The following SLC22A23 variants were observed in gnomAD, a reference collection of about 807,000 sequenced individuals.
SLC22A23 encodes ion transporter protein.
Under a neutral mutation model 61.0 loss-of-function variants are expected in SLC22A23, and 26 were observed. That is an observed-to-expected ratio of 0.43 (90% CI 0.31 to 0.59). The LOEUF (loss-of-function observed/expected upper bound fraction) is 0.59, where lower values mean the gene tolerates loss of function less well. Ranked by LOEUF, SLC22A23 falls within the 20% of genes least tolerant of loss-of-function variation. The probability of loss-of-function intolerance (pLI) is 0.11; values close to 1 mark genes in which losing one functional copy is unlikely to be tolerated. For synonymous variants in SLC22A23, 430 were observed against 413.9 expected (o/e 1.04, Z -0.47); for missense variants, 796 against 934.7 (o/e 0.85, Z 1.94).
At chr6:3,407,087 C>T (rs549679180) in intron 3 of SLC22A23, among the ~76,000 whole-genome samples, 130 of 152,288 alleles carry the variant, frequency 8.5e-4, no homozygotes, top group African/African-American at 3.0e-3. Flanking sequence ...CCAGCAGATG[C>T]ATTAAGTGAG....
At chr6:3,354,323 A>G (rs1470449099) in intron 3 of SLC22A23, among the ~76,000 whole-genome samples, 1 of 152,256 alleles carries the variant, frequency 6.6e-6, no homozygotes, top group Non-Finnish European at 1.5e-5. Context: ...AAGTGACTAA[A>G]GGCACTCACA....
At chr6:3,424,715 T>C (rs1369124550) in intron 1 of SLC22A23, among the ~76,000 whole-genome samples, 1 of 152,240 alleles carries the variant, frequency 6.6e-6, no homozygotes, top group East Asian at 1.9e-4. Flanking sequence ...CCCTGCTGTC[T>C]GTGTTTGTAA....
intron 1 of SLC22A23, among the ~76,000 whole-genome samples, chr6:3,426,277 G>A (rs771394254): frequency 1.3e-5 from 2 of 152,154 alleles, no homozygotes; most frequent in Non-Finnish European, 2.9e-5. Flanking sequence ...TCAGACTTGA[G>A]CAGAGCCCAG....
Position 3,369,884 on chromosome 6 carries a change from T to C in SLC22A23, c.913+40304A>G, listed in dbSNP as rs531622829. The stretch of plus-strand genomic sequence containing the variant: ...AATGAATCTCAAGCACGACTATTTT[T>C]TCTTGTGAAAATTTCCCTTACATTT... On this transcript the variant is annotated intron_variant, in intron 3 of 9. Transcript: ENST00000406686. Among the ~76,000 whole-genome samples the C allele has an allele frequency of 2.0e-5, 3 of 152,360 alleles. No individual in the cohort carries two copies. The South Asian group carries it at 6.2e-4, about 32-fold the overall frequency.
intron 3 of SLC22A23, among the ~76,000 whole-genome samples, chr6:3,335,102 C>T (rs923088680): frequency 2.6e-5 from 4 of 152,152 alleles, no homozygotes; most frequent in Admixed American, 6.5e-5. Context: ...AAAATCCTTT[C>T]GTGTTCTAGT....
In SLC22A23 at chr6:3,408,891, C is replaced by A. The variant is rs543067127; in HGVS notation, c.913+1297G>T. 2.0e-5 allele frequency among the ~76,000 whole-genome samples: 3 copies of A among 152,332 alleles called. No homozygotes were observed. In the South Asian group the frequency reaches 6.2e-4, roughly 32 times the overall value. Reference sequence around the variant, plus strand: ...CGGCTGCCCAGAGCAAGGGTCCCGGCGCACTTGCACACATGTGGGCCAAGG... The same window carrying A: ...CGGCTGCCCAGAGCAAGGGTCCCGGAGCACTTGCACACATGTGGGCCAAGG... On this transcript the variant is annotated intron_variant, in intron 3 of 9. Transcript: ENST00000406686.
intron 3 of SLC22A23, among the ~76,000 whole-genome samples, chr6:3,355,015 G>A (rs1764982683): frequency 6.6e-6 from 1 of 151,984 alleles, no homozygotes; most frequent in Admixed American, 6.5e-5. Flanking sequence ...CCTTTAAACA[G>A]GCAACAGGAA....
chr6:3,413,784 A>G (rs1769451868), intron 2 of SLC22A23, among the ~76,000 whole-genome samples: 2 of 152,180 alleles, frequency 1.3e-5, no homozygotes, highest in Admixed American at 6.5e-5. Context: ...CCTTTTAAGC[A>G]AGGCTCAAGC....
chr6:3,282,325 C>G (rs1759543345), intron 9 of SLC22A23: 2 of 702,450 alleles, frequency 2.8e-6, no homozygotes, highest in Non-Finnish European at 5.2e-6. Context: ...GTGGCTGATG[C>G]AGAAGGTAGG....
chr6:3,388,270 G>C (rs1264830407), intron 3 of SLC22A23, among the ~76,000 whole-genome samples: 5 of 152,162 alleles, frequency 3.3e-5, no homozygotes, highest in Non-Finnish European at 4.4e-5. Flanking sequence ...CTTCCTCATG[G>C]GGGAGGGCAG....
intron 3 of SLC22A23, among the ~76,000 whole-genome samples, chr6:3,349,073 C>T (rs1267806996): frequency 1.3e-5 from 2 of 152,364 alleles, no homozygotes; most frequent in African/African-American, 2.4e-5. Context: ...AAGGGGGATG[C>T]TCCTCTGCTT....
At chr6:3,335,371 G>A (rs1215827770) in intron 3 of SLC22A23, among the ~76,000 whole-genome samples, 3 of 152,182 alleles carry the variant, frequency 2.0e-5, no homozygotes, top group African/African-American at 7.2e-5. Context: ...GTCTCACACA[G>A]TGTCTGCCTT....
intron 1 of SLC22A23, among the ~76,000 whole-genome samples, chr6:3,435,462 T>C (rs1771145987): frequency 6.6e-6 from 1 of 152,052 alleles, no homozygotes; most frequent in Non-Finnish European, 1.5e-5. Flanking sequence ...TCTCCTGCAG[T>C]GGTGGGACCT....
At chr6:3,301,336 T>C (rs1405328544) in intron 4 of SLC22A23, among the ~76,000 whole-genome samples, 1 of 152,148 alleles carries the variant, frequency 6.6e-6, no homozygotes, top group Non-Finnish European at 1.5e-5. Flanking sequence ...ATATTATCAT[T>C]TGAGATACAT....
chr6:3,410,420 G>T lies in SLC22A23; in HGVS notation c.759-78C>A. 1 of 1,445,776 alleles carries T rather than the reference G, an allele frequency of 6.9e-7. No homozygotes were observed. The highest frequency in any genetic ancestry group is 1.4e-5 in the South Asian group (1 of 70,588). The allele number at this position is 1,445,776 out of a possible 1,614,324, so 89.6% of individuals were successfully genotyped here. A position where few individuals can be genotyped will look rare whatever the true frequency, so the allele number is the denominator to read the frequency against. Reference sequence around the variant, plus strand: ...GCTAGATGCTGAAACCCGGTGTCCAGCAGGCACTCAATATATGTTGAATGA... The same window carrying T: ...GCTAGATGCTGAAACCCGGTGTCCATCAGGCACTCAATATATGTTGAATGA... On this transcript the variant is annotated intron_variant, in intron 2 of 9. Coordinates refer to ENST00000406686, the MANE Select transcript of SLC22A23 (RefSeq NM_015482.2). The surrounding 1 kb of genome is among the most constrained non-coding windows in gnomAD (Gnocchi z 5.0).
At chr6:3,311,971 C>A (rs1162801696) in intron 4 of SLC22A23, 1 of 152,228 alleles carries the variant, frequency 6.6e-6, no homozygotes, top group African/African-American at 2.4e-5. Flanking sequence ...GGCTTCAACA[C>A]TCTCCATCTA....
chr6:3,355,358 G>T (rs1398365961), intron 3 of SLC22A23, among the ~76,000 whole-genome samples: 1 of 152,020 alleles, frequency 6.6e-6, no homozygotes, highest in African/African-American at 2.4e-5. Context: ...GAACTTAAAA[G>T]ACGGGAGGAA....
Position 3,454,789 on chromosome 6 carries a change from A to G in SLC22A23, c.654+1117T>C, listed in dbSNP as rs1439034234. 6.6e-6 allele frequency among the ~76,000 whole-genome samples: 1 copy of G among 152,196 alleles called. No individual in the cohort carries two copies. Among genetic ancestry groups the G allele is most frequent in the Non-Finnish European group, 1.5e-5 (1 of 68,052 alleles). On this transcript the variant is annotated intron_variant, in intron 1 of 9. Transcript: ENST00000406686. This position sits in a 1 kb window ranked among gnomAD's most constrained non-coding sequence, Gnocchi z 4.3. ...ATTAAAACAATGATTATGATGATGT[A>G]AGAGTTTATCTTACACATCCATGAG...
intron 1 of SLC22A23, among the ~76,000 whole-genome samples, chr6:3,447,732 G>A (rs1327709619): frequency 6.6e-6 from 1 of 151,126 alleles, no homozygotes; most frequent in East Asian, 1.9e-4. Context: ...GGGACTACAG[G>A]TGCCCGCCAC....
Sources: allele counts gnomAD v4.1 joint callset (sites outside exome capture counted in the v4.1 genomes callset), GRCh38; gene constraint gnomAD v4.1.1; non-coding constraint Gnocchi (gnomAD v3.1); transcripts MANE v1.5; gene names NCBI Gene and HGNC (gene_info 2026-07-23, HGNC 2026-07-21).